Variants in COA7 observed in about 807,000 individuals in gnomAD.
COA7 encodes cytochrome c oxidase assembly factor 7.
Under a neutral mutation model 21.0 loss-of-function variants are expected in COA7, and 12 were observed. The observed-to-expected ratio is 0.57, with a 90% CI of 0.37 to 0.92. COA7 has a LOEUF of 0.92. Among genes scored for constraint, COA7 ranks in the 40% least tolerant of loss-of-function variants. The pLI is 0.01. For synonymous variants in COA7, 95 were observed against 107.4 expected, an observed-to-expected ratio of 0.88 and a Z score of 0.72; for missense variants, 240 against 286.1, an observed-to-expected ratio of 0.84 and a Z score of 1.16.
chr1:52,696,655 TTTTTC>T (rs769469423), intron 1 of COA7, among the ~76,000 whole-genome samples: 25 of 151,924 alleles, frequency 1.6e-4, no homozygotes, highest in Non-Finnish European at 2.8e-4. Context: ...AGTGCCACTT[TTTTTC>T]TTTTCTTTTT....
intron 1 of COA7, 111 bp from the exon 2 acceptor site, chr1:52,692,978 C>T: frequency 8.8e-7 from 1 of 1,136,426 alleles, no homozygotes; most frequent in Non-Finnish European, 1.3e-6. Context: ...TCTTTTAAGA[C>T]AGCCCCTGTC....
Position 52,697,582 on chromosome 1 carries a change from A to AT in COA7, c.106+638dup, listed in dbSNP as rs570683528. On this transcript the variant is annotated intron_variant, in intron 1 of 2. Transcript: ENST00000371538. Reference sequence around the variant, plus strand: ...GGCACTTACTACTTTCTTTTTATTTATTTTTTTTGAGACGGAGTCTCGCTC... The same window carrying AT: ...GGCACTTACTACTTTCTTTTTATTTATTTTTTTTTGAGACGGAGTCTCGCTC... Among the ~76,000 whole-genome samples, 245 of 151,670 alleles carry AT rather than the reference A, an allele frequency of 1.6e-3. 8 individuals carry two copies. The East Asian group carries it at 0.042, about 26-fold the overall frequency.
intron 1 of COA7, among the ~76,000 whole-genome samples, chr1:52,693,190 T>C (rs1346276163): frequency 6.6e-6 from 1 of 152,078 alleles, no homozygotes; most frequent in African/African-American, 2.4e-5. Context: ...CTTCCATGAT[T>C]GAAACTTTGC....
intron 2 of COA7, 144 bp from the exon 3 acceptor site, chr1:52,688,312 C>T (rs577673839): frequency 1.5e-5 from 10 of 658,626 alleles, no homozygotes; most frequent in South Asian, 4.0e-5. Context: ...GGCATGATCA[C>T]GGCTCACTGC....
chr1:52,698,155 G>T (rs1644098324), intron 1 of COA7, 66 bp downstream of exon 1: 8 of 1,150,136 alleles, frequency 7.0e-6, no homozygotes, highest in Admixed American at 1.8e-5. Context: ...CTCAGAGGTC[G>T]CAGACCAGAC....
In COA7 at chr1:52,685,351, C is replaced by T. The variant is rs1234878142; in HGVS notation, c.*2369G>A. 2 of 152,170 alleles carry T rather than the reference C, an allele frequency of 1.3e-5. No homozygotes were observed. Among genetic ancestry groups the T allele is most frequent in the Admixed American group, 1.3e-4 (2 of 15,266 alleles). The allele number at this position is 152,170 out of a possible 1,614,324, so 9.4% of individuals were successfully genotyped here. A position where few individuals can be genotyped will look rare whatever the true frequency, so the allele number is the denominator to read the frequency against. ...GGTCTGTTGTTCTAACTTGCATTTT[C>T]CTGATGACATGTTATATGGAACATC... On this transcript the variant is annotated 3_prime_UTR_variant, in exon 3 of 3. Transcript: ENST00000371538.
chr1:52,688,449 T>C (rs1644023058), intron 2 of COA7, among the ~76,000 whole-genome samples: 1 of 152,116 alleles, frequency 6.6e-6, no homozygotes, highest in Non-Finnish European at 1.5e-5. Flanking sequence ...GATCTCACTA[T>C]GTTGCCAAGG....
At position 52,687,844 on chromosome 1, in the gene COA7, C is replaced by T; in HGVS notation, c.572G>A (p.Ser191Asn). The change falls in exon 3 of 3, where the codon AGT becomes AAT. Residue 191 changes from serine (S) to asparagine (N), a missense_variant. Coordinates refer to ENST00000371538, the MANE Select transcript of COA7 (RefSeq NM_023077.3). The part of the protein sequence containing the change: ...LGHIWACANA[S>N]RMYKLGDGVD... ...ACCATCCCCCAGCTTGTACATGCGA[C>T]TGGCATTGGCACAGGCCCAGATATG... is the stretch of plus-strand genomic sequence containing the variant. 1 of 1,614,272 alleles carries T rather than the reference C, an allele frequency of 6.2e-7. No homozygotes were observed. The highest frequency in any genetic ancestry group is 8.5e-7 in the Non-Finnish European group (1 of 1,180,050).
rs1422081475 is a variant in COA7, at chr1:52,688,174, A to G, written c.248-6T>C. The G allele has an allele frequency of 6.2e-7, 1 of 1,603,376 alleles. No individual in the cohort carries two copies. The highest frequency in any genetic ancestry group is 8.5e-7 in the Non-Finnish European group (1 of 1,177,478). ...CAGGTCCTGGGTCAGACCACCTGAG[A>G]GGAAGGAAAGTAGGAAAAAATAAAC... On this transcript the variant is annotated splice_polypyrimidine_tract_variant and splice_region_variant and intron_variant, in intron 2 of 2. Coordinates refer to ENST00000371538, the MANE Select transcript of COA7 (RefSeq NM_023077.3).
chr1:52,687,719 A>G lies in COA7; in HGVS notation c.*1T>C, dbSNP rs1644016127. 1 of 1,612,752 alleles carries G rather than the reference A, an allele frequency of 6.2e-7. No individual in the cohort carries two copies. Among genetic ancestry groups the G allele is most frequent in the Non-Finnish European group, 8.5e-7 (1 of 1,178,894 alleles). On this transcript the variant is annotated 3_prime_UTR_variant, in exon 3 of 3. Transcript: ENST00000371538. Reference sequence around the variant, plus strand: ...TTGCCTGGGAGGGAGGGTGGACCACATTACCCAAATGTTAAGGGTTGGACA... The same window carrying G: ...TTGCCTGGGAGGGAGGGTGGACCACGTTACCCAAATGTTAAGGGTTGGACA...
chr1:52,688,298 C>A, intron 2 of COA7, 130 bp from the exon 3 acceptor site: 1 of 709,400 alleles, frequency 1.4e-6, no homozygotes, highest in Non-Finnish European at 2.3e-6. Context: ...GGCTGGAGTG[C>A]ACTGGCATGA....
rs772093828 is a variant in COA7, at chr1:52,692,832, G to A, written c.142C>T (p.Arg48Trp). 23 of 1,613,942 alleles carry A rather than the reference G, an allele frequency of 1.4e-5. No homozygotes were observed. In the South Asian group the frequency reaches 1.6e-4, roughly 12 times the overall value. The change falls in exon 2 of 3, where the codon CGG becomes TGG. Residue 48 changes from arginine (R) to tryptophan (W), a missense_variant. By Grantham distance (101) the Arg-to-Trp change is moderately radical (BLOSUM62 -3). Coordinates refer to ENST00000371538, the MANE Select transcript of COA7 (RefSeq NM_023077.3). ...TTGGCAGCCTCATCAAAATTCTTCC[G>A]GATCCCTTCCAAATAGTCCACCAGC... ...YRLVDYLEGI[R>W]KNFDEAAKVL...
chr1:52,692,813 G>A lies in COA7; in HGVS notation c.161C>T (p.Ala54Val). The stretch of plus-strand genomic sequence containing the variant: ...ACAGTTAAACTTCAACACCTTGGCA[G>A]CCTCATCAAAATTCTTCCGGATCCC... ...LEGIRKNFDE[A>V]AKVLKFNCEE... The change falls in exon 2 of 3, where the codon GCT (alanine) becomes GTT (valine). Residue 54 changes from alanine to valine, a missense_variant. This residue lies in a region of COA7 where 6 missense variants were observed against 17.3 expected (regional missense o/e 0.35). Transcript: ENST00000371538. The A allele has an allele frequency of 1.9e-6, 3 of 1,614,114 alleles. No homozygotes were observed. Among genetic ancestry groups the A allele is most frequent in the Non-Finnish European group, 8.5e-7 (1 of 1,180,022 alleles).
intron 1 of COA7, among the ~76,000 whole-genome samples, chr1:52,694,671 A>G (rs575446325): frequency 6.6e-6 from 1 of 152,330 alleles, no homozygotes; most frequent in East Asian, 1.9e-4. Context: ...TGTGACCTCA[A>G]TAACAAGAAA....
At chr1:52,695,391 G>C (rs932629139) in intron 1 of COA7, among the ~76,000 whole-genome samples, 5 of 151,966 alleles carry the variant, frequency 3.3e-5, no homozygotes, top group African/African-American at 4.8e-5. Flanking sequence ...CTTGAACCTG[G>C]GAGGCAGAGG....
chr1:52,689,401 G>A (rs1261755057), intron 2 of COA7, among the ~76,000 whole-genome samples: 3 of 151,322 alleles, frequency 2.0e-5, no homozygotes, highest in Admixed American at 6.6e-5. Context: ...TGATCCGCCC[G>A]CCTCAGCCTC....
At chr1:52,692,512 T>A (rs1296798075) in intron 2 of COA7, among the ~76,000 whole-genome samples, 2 of 152,160 alleles carry the variant, frequency 1.3e-5, no homozygotes, top group African/African-American at 4.8e-5. Context: ...TGGCTCAAGG[T>A]CCCACTACTT....
chr1:52,695,582 G>A (rs1644078499), intron 1 of COA7, among the ~76,000 whole-genome samples: 1 of 152,126 alleles, frequency 6.6e-6, no homozygotes, highest in Non-Finnish European at 1.5e-5. Context: ...TTAATTATGT[G>A]AGGGTATATA....
rs931216949 is a variant in COA7 at position 52,685,767 on chromosome 1, T to C, written c.*1953A>G. On this transcript the variant is annotated 3_prime_UTR_variant, in exon 3 of 3. Coordinates refer to ENST00000371538, the MANE Select transcript of COA7 (RefSeq NM_023077.3). ...TTTTAGTAGATACGAGGTTTCACTATGTTGGCCAGGCTGTTCTCGAAATCC... is the reference window on the plus strand; with the variant it reads ...TTTTAGTAGATACGAGGTTTCACTACGTTGGCCAGGCTGTTCTCGAAATCC... 2.6e-5 allele frequency: 4 copies of C among 152,214 alleles called. No homozygotes were observed. The highest frequency in any genetic ancestry group is 5.9e-5 in the Non-Finnish European group (4 of 68,088). The allele number at this position is 152,214 out of a possible 1,614,324, so 9.4% of individuals were successfully genotyped here. A position where few individuals can be genotyped will look rare whatever the true frequency, so the allele number is the denominator to read the frequency against.
Sources: allele counts gnomAD v4.1 joint callset (sites outside exome capture counted in the v4.1 genomes callset), GRCh38; gene constraint gnomAD v4.1.1; regional missense constraint gnomAD v4.1.1; transcripts MANE v1.5; gene names NCBI Gene and HGNC (gene_info 2026-07-23, HGNC 2026-07-21).